The following SPIRE1 variants were observed in gnomAD, a reference collection of about 807,000 sequenced individuals.
The protein encoded by SPIRE1 is spire type actin nucleation factor 1.
Under a neutral mutation model 94.1 loss-of-function variants are expected in SPIRE1, and 40 were observed. The observed-to-expected ratio is 0.43, with a 90% confidence interval of 0.33 to 0.55. SPIRE1 has a LOEUF of 0.55. Among genes scored for constraint, SPIRE1 ranks in the 20% least tolerant of loss-of-function variants. The pLI is 0.06. For synonymous variants in SPIRE1, 376 were observed against 371.7 expected (o/e 1.01, Z -0.13); for missense variants, 838 against 975.2 (o/e 0.86, Z 1.87).
At chr18:12,496,176 T>A in intron 6 of SPIRE1, 74 bp from the exon 7 acceptor site, 3 of 996,378 alleles carry the variant, frequency 3.0e-6, no homozygotes, top group Non-Finnish European at 4.8e-6. Flanking sequence ...ATAGCTGTTA[T>A]CTCAAATATG....
At chr18:12,568,000 CT>C (rs1476749507) in intron 2 of SPIRE1, among the ~76,000 whole-genome samples, 1 of 152,202 alleles carries the variant, frequency 6.6e-6, no homozygotes, top group African/African-American at 2.4e-5. Context: ...TCTGCCTTGC[CT>C]TTGGTGACTG....
At chr18:12,568,561 A>AT (rs1253893059) in intron 2 of SPIRE1, among the ~76,000 whole-genome samples, 5 of 151,858 alleles carry the variant, frequency 3.3e-5, no homozygotes, top group Non-Finnish European at 7.4e-5. Flanking sequence ...GAAAACAACT[A>AT]TTTTTTTCTT....
At chr18:12,654,289 A>G (rs2038465222) in intron 1 of SPIRE1, among the ~76,000 whole-genome samples, 1 of 144,926 alleles carries the variant, frequency 6.9e-6, no homozygotes, top group Admixed American at 7.1e-5. Flanking sequence ...GTCAGCCGAG[A>G]CTGCACCACT....
Position 12,559,194 on chromosome 18 carries a change from GGC to G in SPIRE1, c.373-12292_373-12291del, listed in dbSNP as rs1451685971. ...CCCACGGGGTGGGGTGGGGTGGGGG[GGC>G]GCCGGCATGGCAGGCTGCAGGTCCC... is the stretch of plus-strand genomic sequence containing the variant. On this transcript the variant is annotated intron_variant, in intron 2 of 16. Transcript: ENST00000409402. The surrounding 1 kb of genome is among the most constrained non-coding windows in gnomAD (Gnocchi z 4.7). 6.6e-6 allele frequency among the ~76,000 whole-genome samples: 1 copy of G among 151,886 alleles called. No individual in the cohort carries two copies. Among genetic ancestry groups the G allele is most frequent in the Non-Finnish European group, 1.5e-5 (1 of 67,900 alleles).
At chr18:12,554,673 A>G (rs11080581) in intron 2 of SPIRE1, among the ~76,000 whole-genome samples, 24,613 of 152,190 alleles carry the variant, frequency 0.16, 2,568 homozygotes, top group Middle Eastern at 0.26. Flanking sequence ...AAAACCAGAC[A>G]AAAGACACAT....
At chr18:12,453,650 G>A (rs2031355784) in intron 13 of SPIRE1, among the ~76,000 whole-genome samples, 1 of 152,066 alleles carries the variant, frequency 6.6e-6, no homozygotes, top group African/African-American at 2.4e-5. Flanking sequence ...TAGCCAGGAT[G>A]GTCTCGATCT....
At chr18:12,641,965 G>A (rs975089225) in intron 1 of SPIRE1, among the ~76,000 whole-genome samples, 6 of 151,094 alleles carry the variant, frequency 4.0e-5, no homozygotes, top group African/African-American at 1.2e-4. Context: ...CTGAGTAGCT[G>A]GGACTACAGG....
chr18:12,524,669 A>G (rs1265225143), intron 4 of SPIRE1, among the ~76,000 whole-genome samples: 1 of 152,162 alleles, frequency 6.6e-6, no homozygotes, highest in Admixed American at 6.5e-5. Flanking sequence ...AATTGTGCAG[A>G]ATTACACATT....
At chr18:12,487,402 C>CT (rs35743856) in intron 8 of SPIRE1, among the ~76,000 whole-genome samples, 15,089 of 132,626 alleles carry the variant, frequency 0.11, 1,129 homozygotes, top group Middle Eastern at 0.22. Flanking sequence ...TATTTTCTTT[C>CT]TTTTTTTTTT....
chr18:12,600,051 T>A (rs1450456939), intron 2 of SPIRE1, among the ~76,000 whole-genome samples: 2 of 146,838 alleles, frequency 1.4e-5, no homozygotes, highest in Non-Finnish European at 3.0e-5. Flanking sequence ...GCAAAGGAAC[T>A]GCAGATAGAT....
At chr18:12,472,620 C>T (rs2032404844) in intron 10 of SPIRE1, among the ~76,000 whole-genome samples, 1 of 151,062 alleles carries the variant, frequency 6.6e-6, no homozygotes, top group South Asian at 2.1e-4. Flanking sequence ...CCGCCTGCCT[C>T]AGCCTCTCAA....
At position 12,551,628 on chromosome 18, in the gene SPIRE1, G is replaced by A. The variant is rs1219410593; in HGVS notation, c.373-4724C>T. Among the ~76,000 whole-genome samples, 3 of 152,104 alleles carry A rather than the reference G, an allele frequency of 2.0e-5. No homozygotes were observed. In the East Asian group the frequency reaches 5.8e-4, roughly 29 times the overall value. ...GCTGAGGCGGGAGAATGGCATGGCAGGAGGTAGAGCTTGCAGTGAGCCAAC... is the reference window on the plus strand; with the variant it reads ...GCTGAGGCGGGAGAATGGCATGGCAAGAGGTAGAGCTTGCAGTGAGCCAAC... On this transcript the variant is annotated intron_variant, in intron 2 of 16. Coordinates refer to ENST00000409402, the MANE Select transcript of SPIRE1 (RefSeq NM_001128626.2).
chr18:12,598,313 G>A (rs2036735642), intron 2 of SPIRE1, among the ~76,000 whole-genome samples: 1 of 152,056 alleles, frequency 6.6e-6, no homozygotes, highest in Non-Finnish European at 1.5e-5. Context: ...TTTGAATACT[G>A]CCTAAGATTT....
At chr18:12,617,558 C>T (rs747702082) in intron 2 of SPIRE1, among the ~76,000 whole-genome samples, 14 of 152,128 alleles carry the variant, frequency 9.2e-5, no homozygotes, top group East Asian at 1.9e-4. Flanking sequence ...TTATAGGCGC[C>T]TGCCACCATG....
chr18:12,625,948 T>G (rs1301253023), intron 2 of SPIRE1, among the ~76,000 whole-genome samples: 1 of 151,892 alleles, frequency 6.6e-6, no homozygotes, highest in African/African-American at 2.4e-5. Flanking sequence ...GAGAATCACT[T>G]GAACCCAGGA....
intron 2 of SPIRE1, among the ~76,000 whole-genome samples, chr18:12,578,358 T>C (rs980053912): frequency 2.8e-4 from 43 of 152,160 alleles, no homozygotes; most frequent in Non-Finnish European, 1.0e-4. Flanking sequence ...AATGGAATAA[T>C]AGCCAGTAAT....
chr18:12,654,961 G>A (rs555350607), intron 1 of SPIRE1, among the ~76,000 whole-genome samples: 3 of 151,830 alleles, frequency 2.0e-5, no homozygotes, highest in African/African-American at 7.2e-5. Flanking sequence ...TCAGGAGGCA[G>A]AGGTTGCAGT....
chr18:12,476,575 A>G (rs937657066), intron 10 of SPIRE1, among the ~76,000 whole-genome samples: 3 of 130,514 alleles, frequency 2.3e-5, no homozygotes, highest in Non-Finnish European at 4.9e-5. Context: ...ATATATATAT[A>G]TATATATATA....
intron 3 of SPIRE1, among the ~76,000 whole-genome samples, chr18:12,537,869 A>C (rs2034888261): frequency 6.6e-6 from 1 of 152,212 alleles, no homozygotes; most frequent in Admixed American, 6.5e-5. Flanking sequence ...AAATAAACAG[A>C]AAGACATCTT....
Sources: allele counts gnomAD v4.1 joint callset (sites outside exome capture counted in the v4.1 genomes callset), GRCh38; gene constraint gnomAD v4.1.1; non-coding constraint Gnocchi (gnomAD v3.1); transcripts MANE v1.5; gene names NCBI Gene and HGNC (gene_info 2026-07-23, HGNC 2026-07-21).